The following RIPOR3 variants were observed in gnomAD, a reference collection of about 807,000 sequenced individuals.
The protein encoded by RIPOR3 is RIPOR family member 3.
Under a neutral mutation model 114.3 loss-of-function variants are expected in RIPOR3, and 95 were observed. The observed-to-expected ratio is 0.83, with a 90% CI of 0.70 to 0.99. The LOEUF (loss-of-function observed/expected upper bound fraction) is 0.99. Ranked by LOEUF, RIPOR3 falls within the 50% of genes least tolerant of loss-of-function variation. RIPOR3 has a pLI of 0.00. For synonymous variants in RIPOR3, 575 were observed against 543.8 expected (o/e 1.06, Z -0.80); for missense variants, 1,252 against 1,266.9 (o/e 0.99, Z 0.18).
intron 1 of RIPOR3, among the ~76,000 whole-genome samples, chr20:50,679,526 G>A (rs2086791579): frequency 6.6e-6 from 1 of 150,632 alleles, no homozygotes; most frequent in South Asian, 2.1e-4. Context: ...GGGAGGCTGA[G>A]GTGGGCAGAT....
intron 2 of RIPOR3, among the ~76,000 whole-genome samples, chr20:50,624,792 G>A (rs1283400634): frequency 1.3e-5 from 2 of 152,134 alleles, no homozygotes; most frequent in Admixed American, 6.5e-5. Flanking sequence ...TGCTACAGCA[G>A]TCCTTCTGCC....
chr20:50,624,336 C>T (rs923927807), intron 2 of RIPOR3, among the ~76,000 whole-genome samples: 2 of 152,180 alleles, frequency 1.3e-5, no homozygotes, highest in African/African-American at 4.8e-5. Context: ...GGGACCCCGG[C>T]AGGTGGGCAG....
At chr20:50,594,433 C>G in intron 17 of RIPOR3, 120 bp downstream of exon 17, 1 of 1,216,154 alleles carries the variant, frequency 8.2e-7, no homozygotes, top group Non-Finnish European at 1.2e-6. Flanking sequence ...CGTCCGATGG[C>G]ATGAAGACAC....
At position 50,620,213 on chromosome 20, in the gene RIPOR3, A is replaced by G. The variant is rs2084347575; in HGVS notation, c.123-81T>C. On this transcript the variant is annotated intron_variant, in intron 2 of 21. Transcript: ENST00000327979. Reference sequence around the variant, plus strand: ...CCCCAGGGGCAGGCACTTTGGAAATAGTGACCAGAGCCACAGGGAGTCAGG... The same window carrying G: ...CCCCAGGGGCAGGCACTTTGGAAATGGTGACCAGAGCCACAGGGAGTCAGG... 6 of 1,546,240 alleles carry G rather than the reference A, an allele frequency of 3.9e-6. No individual in the cohort carries two copies. In the East Asian group the frequency reaches 1.1e-4, roughly 29 times the overall value.
rs556710288 is a variant in RIPOR3 at position 50,636,108 on chromosome 20, A to G, written c.4-5252T>C. On this transcript the variant is annotated intron_variant, in intron 1 of 21. Transcript: ENST00000327979. Reference sequence around the variant, plus strand: ...CGGCTGGGCCTGGTGGGGCTGATCCATGACGTTGACTTGGAGTCCAGCCAA... The same window carrying G: ...CGGCTGGGCCTGGTGGGGCTGATCCGTGACGTTGACTTGGAGTCCAGCCAA... Among the ~76,000 whole-genome samples the G allele has an allele frequency of 2.0e-5, 3 of 152,280 alleles. No homozygotes were observed. The South Asian group carries it at 6.2e-4, about 32-fold the overall frequency.
At chr20:50,687,700 G>A (rs369866095) in intron 1 of RIPOR3, among the ~76,000 whole-genome samples, 1 of 152,222 alleles carries the variant, frequency 6.6e-6, no homozygotes. Flanking sequence ...TTAGGAGTTC[G>A]AGACCAGCCT....
intron 1 of RIPOR3, among the ~76,000 whole-genome samples, chr20:50,647,590 C>G (rs1213893918): frequency 1.4e-5 from 2 of 147,176 alleles, no homozygotes; most frequent in East Asian, 4.3e-4. Context: ...TCACGCCATT[C>G]TCCTGCCTCA....
chr20:50,592,109 T>C (rs2083125917), intron 19 of RIPOR3, among the ~76,000 whole-genome samples: 1 of 152,084 alleles, frequency 6.6e-6, no homozygotes, highest in African/African-American at 2.4e-5. Context: ...AAAAACGCAC[T>C]AAGAAAAACA....
intron 1 of RIPOR3, among the ~76,000 whole-genome samples, chr20:50,655,019 G>A (rs1300819113): frequency 6.6e-6 from 1 of 152,234 alleles, no homozygotes; most frequent in Non-Finnish European, 1.5e-5. Context: ...AGAGTGCTGG[G>A]ATTATGGGCG....
chr20:50,631,174 G>A (rs969584310), intron 1 of RIPOR3, among the ~76,000 whole-genome samples: 7 of 152,064 alleles, frequency 4.6e-5, no homozygotes, highest in South Asian at 2.1e-4. Flanking sequence ...CTCACCCCCC[G>A]AGCTTCTCCT....
chr20:50,667,251 C>T (rs562256143), intron 1 of RIPOR3, among the ~76,000 whole-genome samples: 1 of 148,452 alleles, frequency 6.7e-6, no homozygotes, highest in Non-Finnish European at 1.5e-5. Context: ...TTGAACATTT[C>T]AAAATCGGGT....
At chr20:50,618,973 G>A (rs2084289098) in intron 3 of RIPOR3, among the ~76,000 whole-genome samples, 1 of 152,116 alleles carries the variant, frequency 6.6e-6, no homozygotes, top group South Asian at 2.1e-4. Context: ...CACTCTGGGA[G>A]GCCGAGATGG....
At chr20:50,673,980 C>G (rs1304580108) in intron 1 of RIPOR3, among the ~76,000 whole-genome samples, 1 of 152,254 alleles carries the variant, frequency 6.6e-6, no homozygotes, top group African/African-American at 2.4e-5. Context: ...CCCTGGCAAG[C>G]TCTGCCATGC....
intron 1 of RIPOR3, among the ~76,000 whole-genome samples, chr20:50,667,592 G>A (rs117603702): frequency 0.027 from 4,170 of 152,026 alleles, 95 homozygotes; most frequent in Non-Finnish European, 0.041. Context: ...GCGCCCGGCC[G>A]CTGCTTTAAG....
rs763635577 is a variant in RIPOR3 at position 50,594,563 on chromosome 20, C to T, written c.2202G>A (p.Gln734=). ...QHRVRGKYPG[Q]LEIACRRLLE... ...CAGAAGGGAACCCACCTATTTCCAG[C>T]TGTCCTGGGTACTTCCCTCTGACTC... Residue 734 remains glutamine (Q), a synonymous_variant, in exon 17 of 22, where the codon CAG becomes CAA. Coordinates refer to ENST00000327979, the MANE Select transcript of RIPOR3 (RefSeq NM_001290268.2). 3.2e-5 allele frequency: 51 copies of T among 1,613,480 alleles called. No homozygotes were observed. Among genetic ancestry groups the T allele is most frequent in the Non-Finnish European group, 4.3e-5 (51 of 1,179,644 alleles).
At chr20:50,687,612 T>C (rs1000746037) in intron 1 of RIPOR3, among the ~76,000 whole-genome samples, 20 of 152,218 alleles carry the variant, frequency 1.3e-4, no homozygotes, top group Non-Finnish European at 2.2e-4. Flanking sequence ...ATAAATTGTA[T>C]TGACGTAGGC....
At chr20:50,675,840 C>T (rs1271939393) in intron 1 of RIPOR3, among the ~76,000 whole-genome samples, 1 of 152,234 alleles carries the variant, frequency 6.6e-6, no homozygotes, top group Non-Finnish European at 1.5e-5. Flanking sequence ...TCTGCTCATT[C>T]ATTTGTTCAC....
At chr20:50,626,284 C>G (rs952659698) in intron 2 of RIPOR3, among the ~76,000 whole-genome samples, 5 of 152,362 alleles carry the variant, frequency 3.3e-5, no homozygotes, top group African/African-American at 9.6e-5. Flanking sequence ...AGGCCAAGGC[C>G]AGGTGGGGGC....
At chr20:50,643,798 C>T (rs181416172) in intron 1 of RIPOR3, among the ~76,000 whole-genome samples, 2 of 151,170 alleles carry the variant, frequency 1.3e-5, no homozygotes, top group African/African-American at 2.4e-5. Context: ...CTCCGCCTCC[C>T]GGGTTCACGC....
Sources: gnomAD v4.1 joint callset for allele counts (sites outside exome capture counted in the v4.1 genomes callset) on GRCh38, gnomAD v4.1.1 for gene constraint, MANE v1.5 for transcripts, NCBI Gene and HGNC (gene_info 2026-07-23, HGNC 2026-07-21) for gene names.